The following SMOC2 variants were observed in gnomAD, a reference collection of about 807,000 sequenced individuals.
SMOC2 encodes SPARC related modular calcium binding 2.
In SMOC2, 39 loss-of-function variants were observed where a neutral mutation model predicts 61.4. The observed-to-expected ratio is 0.64, with a 90% CI of 0.49 to 0.83. The LOEUF is 0.83. Ranked by LOEUF, SMOC2 falls within the 40% of genes least tolerant of loss-of-function variation. The pLI, the probability that SMOC2 is intolerant of heterozygous loss-of-function variation, is 0.00. For missense variants in SMOC2, 556 were observed against 592.9 expected (o/e 0.94, Z 0.65); for synonymous variants, 247 against 239.9 (o/e 1.03, Z -0.27).
At position 168,454,703 on chromosome 6, in the gene SMOC2, T is replaced by C. The variant is rs150895028; in HGVS notation, c.84+13249T>C. ...TGAAGAAAGGGAAAAGAAAACCCAC[T>C]AAAATATGTGAAAAAAATCATACCA... On this transcript the variant is annotated intron_variant, in intron 1 of 12. Coordinates refer to ENST00000356284, the MANE Select transcript of SMOC2 (RefSeq NM_001166412.2). 6.4e-3 allele frequency among the ~76,000 whole-genome samples: 976 copies of C among 152,242 alleles called. 6 individuals are homozygous for C. Among genetic ancestry groups the C allele is most frequent in the African/African-American group, 0.022 (907 of 41,556 alleles).
chr6:168,462,026 AT>A (rs1562540665), intron 1 of SMOC2, among the ~76,000 whole-genome samples: 1 of 151,480 alleles, frequency 6.6e-6, no homozygotes, highest in Non-Finnish European at 1.5e-5. Flanking sequence ...TTATTTTTTT[AT>A]TTTTTATTTA....
At chr6:168,610,498 C>G (rs1052583045) in intron 9 of SMOC2, among the ~76,000 whole-genome samples, 1 of 152,158 alleles carries the variant, frequency 6.6e-6, no homozygotes, top group Non-Finnish European at 1.5e-5. Context: ...AACACAGCAG[C>G]CTTTGAGTAG....
chr6:168,447,234 T>G (rs1781350990), intron 1 of SMOC2, among the ~76,000 whole-genome samples: 2 of 152,138 alleles, frequency 1.3e-5, no homozygotes, highest in African/African-American at 4.8e-5. Context: ...GCCTGGCTAA[T>G]TTTTTGTATT....
intron 9 of SMOC2, among the ~76,000 whole-genome samples, chr6:168,615,142 AGG>A (rs10532187): frequency 0.64 from 13,921 of 21,606 alleles, 5,583 homozygotes; most frequent in Middle Eastern, 0.79. Context: ...CAGCCAGCAC[AGG>A]GGGCCTCTTC....
rs1374198536 is a variant in SMOC2 at position 168,441,196 on chromosome 6, C to G, written c.-175C>G. 1.8e-5 allele frequency: 17 copies of G among 953,124 alleles called. No individual in the cohort carries two copies. The highest frequency in any genetic ancestry group is 1.2e-4 in the African/African-American group (7 of 56,862). The allele number at this position is 953,124 out of a possible 1,614,324, so 59.0% of individuals were successfully genotyped here. ...GGCGGACGCAAAGAACGCGGAGGAC[C>G]TCTGGGTGCCTGCAGGGGAGCTGCT... On this transcript the variant is annotated 5_prime_UTR_variant, in exon 1 of 13. Transcript: ENST00000356284.
chr6:168,465,118 G>T (rs770921974), intron 1 of SMOC2, among the ~76,000 whole-genome samples: 5 of 152,254 alleles, frequency 3.3e-5, no homozygotes, highest in Admixed American at 3.3e-4. Flanking sequence ...GCGGTTGTCT[G>T]CTGCCTTGTT....
At chr6:168,526,583 C>A in intron 3 of SMOC2, 131 bp downstream of exon 3, 1 of 680,402 alleles carries the variant, frequency 1.5e-6, no homozygotes, top group Non-Finnish European at 2.6e-6. Flanking sequence ...GGGAAATCAG[C>A]CTTCTGCATT....
intron 7 of SMOC2, among the ~76,000 whole-genome samples, chr6:168,560,267 C>A (rs79244554): frequency 6.6e-6 from 1 of 152,106 alleles, no homozygotes; most frequent in Admixed American, 6.5e-5. Flanking sequence ...TGCCAGAATA[C>A]GTCACGTCAG....
chr6:168,592,338 T>G (rs28710179), intron 7 of SMOC2, among the ~76,000 whole-genome samples: 9,428 of 106,792 alleles, frequency 0.088, 659 homozygotes, highest in South Asian at 0.11. Flanking sequence ...CTAGAGGATC[T>G]CCGAGCTCCT....
At chr6:168,498,653 G>A (rs980764299) in intron 1 of SMOC2, among the ~76,000 whole-genome samples, 5 of 152,158 alleles carry the variant, frequency 3.3e-5, no homozygotes, top group East Asian at 1.9e-4. Context: ...GCATGAGGAC[G>A]GCCAGGGCCC....
intron 2 of SMOC2, among the ~76,000 whole-genome samples, chr6:168,519,255 G>A (rs1413583091): frequency 6.6e-6 from 1 of 152,054 alleles, no homozygotes; most frequent in Non-Finnish European, 1.5e-5. Flanking sequence ...GTGTTCATGT[G>A]CGTGCGTGCA....
chr6:168,549,731 T>A (rs1784086492), intron 7 of SMOC2, among the ~76,000 whole-genome samples: 1 of 152,212 alleles, frequency 6.6e-6, no homozygotes, highest in South Asian at 2.1e-4. Flanking sequence ...TACTCAGTCA[T>A]GAAAATAATT....
intron 2 of SMOC2, among the ~76,000 whole-genome samples, chr6:168,517,719 G>A (rs555369424): frequency 1.6e-4 from 24 of 152,314 alleles, no homozygotes; most frequent in Admixed American, 1.3e-3. Flanking sequence ...AGCACCTGTA[G>A]GGAGGAGGAC....
At chr6:168,451,479 A>ACC (rs1781460198) in intron 1 of SMOC2, among the ~76,000 whole-genome samples, 1 of 152,110 alleles carries the variant, frequency 6.6e-6, no homozygotes, top group Non-Finnish European at 1.5e-5. Flanking sequence ...TACACTCTGT[A>ACC]CCCTTCTCTC....
In SMOC2 at chr6:168,545,555, A is replaced by G. The variant is rs1440214795; in HGVS notation, c.512-1564A>G. ...GGGACGGGGGCATGGAGTAGGGCCT[A>G]TGATGACCGTGCTGAGGAGGGAAGC... On this transcript the variant is annotated intron_variant, in intron 5 of 12. Coordinates refer to ENST00000356284, the MANE Select transcript of SMOC2 (RefSeq NM_001166412.2). Among the ~76,000 whole-genome samples, 4 of 152,358 alleles carry G rather than the reference A, an allele frequency of 2.6e-5. No homozygotes were observed. In the East Asian group the frequency reaches 5.8e-4, roughly 22 times the overall value.
At chr6:168,649,354 T>G (rs1257301109) in intron 9 of SMOC2, among the ~76,000 whole-genome samples, 1 of 152,082 alleles carries the variant, frequency 6.6e-6, no homozygotes, top group Non-Finnish European at 1.5e-5. Context: ...ATGCCCGAGG[T>G]GCTCTCCAGG....
At chr6:168,474,044 C>T (rs556551656) in intron 1 of SMOC2, among the ~76,000 whole-genome samples, 23 of 152,248 alleles carry the variant, frequency 1.5e-4, no homozygotes, top group African/African-American at 4.8e-4. Context: ...CCACTCTCCA[C>T]GCAGGCTTGT....
chr6:168,651,186 A>G (rs908416214), intron 10 of SMOC2, among the ~76,000 whole-genome samples: 2 of 152,264 alleles, frequency 1.3e-5, no homozygotes, highest in African/African-American at 2.4e-5. Context: ...AAACGTGATT[A>G]GGTTTACTGC....
chr6:168,542,554 T>G (rs190398217), intron 4 of SMOC2, among the ~76,000 whole-genome samples: 1 of 152,180 alleles, frequency 6.6e-6, no homozygotes, highest in Non-Finnish European at 1.5e-5. Flanking sequence ...CATTGTCTGA[T>G]GAGTACCTGT....
Sources: allele counts gnomAD v4.1 joint callset (sites outside exome capture counted in the v4.1 genomes callset), GRCh38; gene constraint gnomAD v4.1.1; transcripts MANE v1.5; gene names NCBI Gene and HGNC (gene_info 2026-07-23, HGNC 2026-07-21).